Variants in RBFOX1 observed in about 807,000 individuals in gnomAD.
The protein encoded by RBFOX1 is RNA binding protein fox-1 homolog 1.
RBFOX1 carries 8 observed loss-of-function variants against 57.7 expected under a neutral mutation model. That is an observed-to-expected ratio of 0.14 (90% CI 0.08 to 0.25). The LOEUF is 0.25. Among genes scored for constraint, RBFOX1 ranks in the 10% least tolerant of loss-of-function variants. The pLI is 1.00. For missense variants in RBFOX1, 611 were observed against 548.5 expected, an observed-to-expected ratio of 1.11 and a Z score of -1.14; for synonymous variants, 326 against 222.4, an observed-to-expected ratio of 1.47 and a Z score of -4.15.
intron 4 of RBFOX1, among the ~76,000 whole-genome samples, chr16:7,278,720 C>G (rs974613271): frequency 6.6e-6 from 1 of 152,216 alleles, no homozygotes; most frequent in Middle Eastern, 3.4e-3. Flanking sequence ...TACAAATTGC[C>G]AACTCATGAT....
At chr16:5,546,757 A>G (rs2045222854) in intron 2 of RBFOX1, among the ~76,000 whole-genome samples, 1 of 152,234 alleles carries the variant, frequency 6.6e-6, no homozygotes, top group Non-Finnish European at 1.5e-5. Context: ...AAATTTTAAA[A>G]TTGGCAAATT....
intron 13 of RBFOX1, among the ~76,000 whole-genome samples, chr16:7,668,454 G>A (rs981283002): frequency 6.6e-6 from 1 of 152,164 alleles, no homozygotes; most frequent in African/African-American, 2.4e-5. Context: ...AAAAAACCAG[G>A]ACAGCTCATT....
chr16:5,399,882 T>G (rs1567451012), intron 1 of RBFOX1, among the ~76,000 whole-genome samples: 1 of 152,062 alleles, frequency 6.6e-6, no homozygotes, highest in Non-Finnish European at 1.5e-5. Context: ...TTATCAGCAA[T>G]TTTGGTTTAT....
chr16:5,966,778 C>G (rs2059852114), intron 4 of RBFOX1, among the ~76,000 whole-genome samples: 1 of 152,084 alleles, frequency 6.6e-6, no homozygotes, highest in Non-Finnish European at 1.5e-5. Flanking sequence ...AGCCCCCACC[C>G]TTGGCGAATT....
At chr16:6,117,728 C>A (rs572411526) in intron 1 of RBFOX1, among the ~76,000 whole-genome samples, 1 of 152,208 alleles carries the variant, frequency 6.6e-6, no homozygotes, top group African/African-American at 2.4e-5. Flanking sequence ...TATAAATTGC[C>A]CATTCTCAGT....
intron 2 of RBFOX1, among the ~76,000 whole-genome samples, chr16:6,392,596 T>C (rs938414908): frequency 1.3e-5 from 2 of 152,216 alleles, no homozygotes; most frequent in African/African-American, 4.8e-5. Flanking sequence ...TATGGTAATA[T>C]CCCTTTGCTC....
intron 3 of RBFOX1, among the ~76,000 whole-genome samples, chr16:7,005,611 G>A (rs1054734142): frequency 1.3e-5 from 2 of 152,130 alleles, no homozygotes; most frequent in African/African-American, 4.8e-5. Context: ...GGTAGGAGGT[G>A]GCTTGACACT....
chr16:7,634,134 C>G (rs1481634204), intron 11 of RBFOX1, among the ~76,000 whole-genome samples: 3 of 152,168 alleles, frequency 2.0e-5, no homozygotes, highest in South Asian at 2.1e-4. Context: ...CTCTAGGAAT[C>G]CAACCATTGC....
At chr16:6,286,571 G>C (rs548085177) in intron 1 of RBFOX1, among the ~76,000 whole-genome samples, 18 of 152,300 alleles carry the variant, frequency 1.2e-4, no homozygotes, top group African/African-American at 4.3e-4. Flanking sequence ...CTGGAAGATA[G>C]CAGTCGTCTC....
intron 3 of RBFOX1, among the ~76,000 whole-genome samples, chr16:6,854,197 C>G (rs544418751): frequency 6.6e-6 from 1 of 152,188 alleles, no homozygotes; most frequent in East Asian, 1.9e-4. Context: ...GGGGTTTAGA[C>G]AGAGCTTGCA....
intron 4 of RBFOX1, among the ~76,000 whole-genome samples, chr16:5,896,441 C>G (rs1306749560): frequency 6.6e-6 from 1 of 151,648 alleles, no homozygotes; most frequent in Non-Finnish European, 1.5e-5. Flanking sequence ...TCCCTGCGCT[C>G]CCCCTGTTTT....
chr16:6,678,304 T>C (rs924635035), intron 3 of RBFOX1, among the ~76,000 whole-genome samples: 1 of 152,104 alleles, frequency 6.6e-6, no homozygotes, highest in Non-Finnish European at 1.5e-5. Flanking sequence ...TTTGTGTTTT[T>C]AGTAGAGATG....
At position 7,071,250 on chromosome 16, in the gene RBFOX1, G is replaced by A. The variant is rs544396405; in HGVS notation, c.27+19152G>A. Among the ~76,000 whole-genome samples the A allele has an allele frequency of 1.2e-4, 18 of 152,212 alleles. No homozygotes were observed. The East Asian group carries it at 1.7e-3, about 15-fold the overall frequency. Reference sequence around the variant, plus strand: ...GAGCATATACTACATACACCACTAGGAGAATAGTAATGTCTTGCTCTCAAG... The same window carrying A: ...GAGCATATACTACATACACCACTAGAAGAATAGTAATGTCTTGCTCTCAAG... On this transcript the variant is annotated intron_variant, in intron 4 of 15. Coordinates refer to ENST00000550418, the MANE Select transcript of RBFOX1 (RefSeq NM_018723.4).
chr16:7,524,975 T>C (rs1412356797), intron 5 of RBFOX1, among the ~76,000 whole-genome samples: 2 of 152,180 alleles, frequency 1.3e-5, no homozygotes, highest in Non-Finnish European at 1.5e-5. Flanking sequence ...TGGAAAAGGA[T>C]ATAAAATGAA....
chr16:5,325,901 T>G (rs563689116), intron 1 of RBFOX1, among the ~76,000 whole-genome samples: 59 of 152,224 alleles, frequency 3.9e-4, no homozygotes, highest in Non-Finnish European at 6.9e-4. Context: ...ATGAACAGGT[T>G]TTTGTTTAAA....
chr16:5,813,868 A>G (rs1252973797), intron 3 of RBFOX1, among the ~76,000 whole-genome samples: 2 of 152,256 alleles, frequency 1.3e-5, no homozygotes, highest in African/African-American at 4.8e-5. Context: ...AGAATTAAAC[A>G]TCTTCACTGC....
chr16:6,054,408 C>T (rs1272957664), intron 1 of RBFOX1, among the ~76,000 whole-genome samples: 2 of 152,140 alleles, frequency 1.3e-5, no homozygotes, highest in African/African-American at 4.8e-5. Flanking sequence ...TTGATTTAAA[C>T]ACATTTTGTT....
intron 4 of RBFOX1, among the ~76,000 whole-genome samples, chr16:7,172,109 A>G (rs879769260): frequency 6.6e-6 from 1 of 152,206 alleles, no homozygotes; most frequent in Non-Finnish European, 1.5e-5. Flanking sequence ...CTGTAAAATG[A>G]AACATCCCAA....
intron 2 of RBFOX1, among the ~76,000 whole-genome samples, chr16:6,464,334 A>C (rs1033058959): frequency 2.6e-5 from 4 of 152,222 alleles, no homozygotes; most frequent in Non-Finnish European, 2.9e-5. Flanking sequence ...AAAGATATAC[A>C]GCTTTTATCA....
Sources: gnomAD v4.1 joint callset for allele counts (sites outside exome capture counted in the v4.1 genomes callset) on GRCh38, gnomAD v4.1.1 for gene constraint, MANE v1.5 for transcripts, NCBI Gene and HGNC (gene_info 2026-07-23, HGNC 2026-07-21) for gene names.